HIVEP2: variants seen among roughly 807,000 people sequenced by gnomAD.
HIVEP2 encodes the protein HIVEP zinc finger 2.
HIVEP2 carries 14 observed loss-of-function variants against 180.7 expected under a neutral mutation model. The ratio of observed to expected loss-of-function variants is 0.08; its 90% CI spans 0.05 to 0.12. HIVEP2 has a LOEUF of 0.12. Among genes scored for constraint, HIVEP2 ranks in the 10% least tolerant of loss-of-function variants. The probability of loss-of-function intolerance (pLI) is 1.00; values close to 1 mark genes in which losing one functional copy is unlikely to be tolerated. For missense variants in HIVEP2, 2,579 were observed against 3,008.5 expected, an observed-to-expected ratio of 0.86 and a Z score of 3.34; for synonymous variants, 1,184 against 1,136.4, an observed-to-expected ratio of 1.04 and a Z score of -0.84.
At chr6:142,810,578 A>ATT (rs2114792388) in intron 2 of HIVEP2, among the ~76,000 whole-genome samples, 1 of 152,182 alleles carries the variant, frequency 6.6e-6, no homozygotes, top group South Asian at 2.1e-4. Flanking sequence ...TATAGCCAAG[A>ATT]TGGTGAAACC....
At chr6:142,819,079 A>G (rs1776953296) in intron 2 of HIVEP2, among the ~76,000 whole-genome samples, 1 of 151,652 alleles carries the variant, frequency 6.6e-6, no homozygotes, top group South Asian at 2.1e-4. Context: ...GGAAGGAAGG[A>G]AAAAATTAGC....
At position 142,774,988 on chromosome 6, in the gene HIVEP2, G is replaced by A. The variant is rs960923519; in HGVS notation, c.-250C>T. ...GTAGAAACGTCCATCCAAAAGCTAA[G>A]TGCAAATCTATAAAGATTTCTTATG... On this transcript the variant is annotated 5_prime_UTR_variant, in exon 5 of 10. Transcript: ENST00000367603. The surrounding 1 kb of genome is among the most constrained non-coding windows in gnomAD (Gnocchi z 5.1). 4.0e-6 allele frequency: 5 copies of A among 1,243,890 alleles called. No individual in the cohort carries two copies. The highest frequency in any genetic ancestry group is 5.0e-6 in the Non-Finnish European group (5 of 992,726). The allele number at this position is 1,243,890 out of a possible 1,614,324, so 77.1% of individuals were successfully genotyped here. A position where few individuals can be genotyped will look rare whatever the true frequency, so the allele number is the denominator to read the frequency against.
chr6:142,932,655 T>C (rs1210559682), intron 1 of HIVEP2, among the ~76,000 whole-genome samples: 1 of 152,228 alleles, frequency 6.6e-6, no homozygotes, highest in East Asian at 1.9e-4. Context: ...AGGATTGTCA[T>C]GCAAGACAAT....
chr6:142,770,705 T>C lies in HIVEP2; in HGVS notation c.4034A>G (p.Tyr1345Cys). 6.2e-7 allele frequency: 1 copy of C among 1,614,158 alleles called. No individual in the cohort carries two copies. ...PVRIQTHVPS[Y>C]GSVMYTSISQ... ...AATGCTTGTGTACATGACACTTCCA[T>C]AGGATGGTACGTGCGTCTGGATCCG... Residue 1345 changes from tyrosine to cysteine, a missense_variant, in exon 5 of 10, where the codon TAT (tyrosine) becomes TGT (cysteine). By Grantham distance (194) the Tyr-to-Cys change is radical. Transcript: ENST00000367603. The surrounding 1 kb of genome is among the most constrained non-coding windows in gnomAD (Gnocchi z 4.7).
chr6:142,755,911 C>T (rs1219214833), intron 9 of HIVEP2, among the ~76,000 whole-genome samples: 1 of 152,160 alleles, frequency 6.6e-6, no homozygotes, highest in African/African-American at 2.4e-5. Context: ...TCTTCATCCT[C>T]CAAAGAAACT....
chr6:142,927,529 A>T (rs1200126965), intron 1 of HIVEP2, among the ~76,000 whole-genome samples: 1 of 152,186 alleles, frequency 6.6e-6, no homozygotes. Context: ...AGACGTTTCT[A>T]AAAGCATATT....
intron 3 of HIVEP2, among the ~76,000 whole-genome samples, chr6:142,776,843 G>C (rs1775714238): frequency 6.6e-6 from 1 of 151,874 alleles, no homozygotes; most frequent in Non-Finnish European, 1.5e-5. Flanking sequence ...GAAAATAGTG[G>C]GTTTTTTTTT....
intron 3 of HIVEP2, among the ~76,000 whole-genome samples, chr6:142,779,294 G>A (rs893579885): frequency 5.9e-5 from 9 of 152,016 alleles, no homozygotes; most frequent in African/African-American, 2.2e-4. Flanking sequence ...CTATCTTTTG[G>A]TTGACACAGA....
rs77198678 is a variant in HIVEP2, at chr6:142,782,752, A to T, written c.-433+769T>A. On this transcript the variant is annotated intron_variant, in intron 3 of 9. Transcript: ENST00000367603. Reference sequence around the variant, plus strand: ...ATATTTAAAGCCTAATGAGAAACAAACATATTTTTTCACATGGGCTGCAAT... The same window carrying T: ...ATATTTAAAGCCTAATGAGAAACAATCATATTTTTTCACATGGGCTGCAAT... Among the ~76,000 whole-genome samples, 1,090 of 152,336 alleles carry T rather than the reference A, an allele frequency of 7.2e-3. 15 individuals carry two copies. Among genetic ancestry groups the T allele is most frequent in the African/African-American group, 0.024 (1,012 of 41,584 alleles).
chr6:142,848,845 A>C (rs1281260145), intron 1 of HIVEP2, among the ~76,000 whole-genome samples: 1 of 152,232 alleles, frequency 6.6e-6, no homozygotes, highest in African/African-American at 2.4e-5. Flanking sequence ...TCTCTATTTA[A>C]ATCAAGTGAA....
At chr6:142,785,044 C>T (rs1023196854) in intron 2 of HIVEP2, among the ~76,000 whole-genome samples, 21 of 151,870 alleles carry the variant, frequency 1.4e-4, no homozygotes, top group African/African-American at 4.1e-4. Flanking sequence ...CCCACCACCA[C>T]GCCCAGCTAA....
chr6:142,920,405 C>T (rs1777657100), intron 1 of HIVEP2, among the ~76,000 whole-genome samples: 1 of 152,176 alleles, frequency 6.6e-6, no homozygotes, highest in Non-Finnish European at 1.5e-5. Context: ...GGTGTCCACT[C>T]TTGTACTATC....
rs1774947018 is a variant in HIVEP2, at chr6:142,752,529, T to C, written c.*578A>G. On this transcript the variant is annotated 3_prime_UTR_variant, in exon 10 of 10. Coordinates refer to ENST00000367603, the MANE Select transcript of HIVEP2 (RefSeq NM_006734.4). ...ATATCTTGTTTACAATGTACATTTT[T>C]GTTCTAGTTACGCAACAGTAAATCC... 2 of 153,078 alleles carry C rather than the reference T, an allele frequency of 1.3e-5. No individual in the cohort carries two copies. Among genetic ancestry groups the C allele is most frequent in the South Asian group, 2.1e-4 (1 of 4,858 alleles). The allele number at this position is 153,078 out of a possible 1,614,324, so 9.5% of individuals were successfully genotyped here. A position where few individuals can be genotyped will look rare whatever the true frequency, so the allele number is the denominator to read the frequency against.
intron 1 of HIVEP2, among the ~76,000 whole-genome samples, chr6:142,912,403 A>T (rs1437393196): frequency 6.6e-6 from 1 of 152,058 alleles, no homozygotes; most frequent in Non-Finnish European, 1.5e-5. Flanking sequence ...GAATTCATAT[A>T]TTTCTCCTCA....
chr6:142,758,827 G>A lies in HIVEP2; in HGVS notation c.6516+945C>T, dbSNP rs142772476. On this transcript the variant is annotated intron_variant, in intron 9 of 9. Coordinates refer to ENST00000367603, the MANE Select transcript of HIVEP2 (RefSeq NM_006734.4). ...TCTCACTTAGCTCTCCTGATTTCCC[G>A]TTCTCCTTGGGCCCACGCTTCCACT... Among the ~76,000 whole-genome samples the A allele has an allele frequency of 5.6e-4, 85 of 152,084 alleles. No individual in the cohort carries two copies. The East Asian group carries it at 0.01, about 19-fold the overall frequency.
chr6:142,905,904 G>A (rs774420366), intron 1 of HIVEP2, among the ~76,000 whole-genome samples: 4 of 152,128 alleles, frequency 2.6e-5, no homozygotes, highest in Admixed American at 6.5e-5. Flanking sequence ...GGCCGAGGCG[G>A]GGGCGGACCA....
At chr6:142,826,160 G>A (rs116150421) in intron 2 of HIVEP2, among the ~76,000 whole-genome samples, 1,628 of 152,140 alleles carry the variant, frequency 0.011, 19 homozygotes, top group Middle Eastern at 0.037. Context: ...ATCTAAGCTC[G>A]TTAAAATAAA....
At chr6:142,784,785 C>T (rs73586535) in intron 2 of HIVEP2, among the ~76,000 whole-genome samples, 9,639 of 152,180 alleles carry the variant, frequency 0.063, 984 homozygotes, top group African/African-American at 0.22. Context: ...AAAATTGAAA[C>T]TTTCATCAAT....
At chr6:142,899,329 A>T (rs1294381300) in intron 1 of HIVEP2, among the ~76,000 whole-genome samples, 2 of 152,208 alleles carry the variant, frequency 1.3e-5, no homozygotes, top group African/African-American at 2.4e-5. Context: ...GTCCTCTGTC[A>T]AGCCTCTCAA....
Sources: gnomAD v4.1 joint callset for allele counts (sites outside exome capture counted in the v4.1 genomes callset) on GRCh38, gnomAD v4.1.1 for gene constraint, Gnocchi (gnomAD v3.1) non-coding constraint, MANE v1.5 for transcripts, NCBI Gene and HGNC (gene_info 2026-07-23, HGNC 2026-07-21) for gene names.